The following MTA3 variants were observed in gnomAD, a reference collection of about 807,000 sequenced individuals.
MTA3 encodes the protein metastasis associated 1 family member 3.
Under a neutral mutation model 83.5 loss-of-function variants are expected in MTA3, and 34 were observed. That is an observed-to-expected ratio of 0.41 (90% confidence interval 0.31 to 0.54). MTA3 has a LOEUF of 0.54. Among genes scored for constraint, MTA3 ranks in the 20% least tolerant of loss-of-function variants. The pLI is 0.33. For missense variants in MTA3, 761 were observed against 726.4 expected (o/e 1.05, Z -0.55); for synonymous variants, 303 against 252.7 (o/e 1.20, Z -1.89).
chr2:42,736,244 G>A (rs1374194141), intron 16 of MTA3, among the ~76,000 whole-genome samples: 1 of 152,164 alleles, frequency 6.6e-6, no homozygotes, highest in Non-Finnish European at 1.5e-5. Context: ...ATTACTAGGT[G>A]GAGACTCTTG....
At chr2:42,629,726 C>G (rs1275972060) in intron 4 of MTA3, among the ~76,000 whole-genome samples, 1 of 152,058 alleles carries the variant, frequency 6.6e-6, no homozygotes, top group Non-Finnish European at 1.5e-5. Context: ...TTCTTCTGAT[C>G]TCGTTCCTCT....
intron 2 of MTA3, among the ~76,000 whole-genome samples, chr2:42,574,544 C>G (rs1678839522): frequency 6.6e-6 from 1 of 152,192 alleles, no homozygotes; most frequent in African/African-American, 2.4e-5. Context: ...TCAAGTGATT[C>G]TCCTCCCTCA....
intron 3 of MTA3, among the ~76,000 whole-genome samples, chr2:42,589,157 A>G (rs1380294296): frequency 3.9e-5 from 6 of 152,318 alleles, no homozygotes; most frequent in African/African-American, 1.2e-4. Context: ...TAAAACCATC[A>G]TCGGCACCTT....
chr2:42,750,276 A>C (rs1450634071), intron 16 of MTA3, among the ~76,000 whole-genome samples: 1 of 152,180 alleles, frequency 6.6e-6, no homozygotes, highest in Non-Finnish European at 1.5e-5. Context: ...GGTGTGAGCC[A>C]CCACGCCTGG....
intron 10 of MTA3, among the ~76,000 whole-genome samples, chr2:42,697,183 C>G (rs149371606): frequency 2.0e-5 from 3 of 152,030 alleles, no homozygotes; most frequent in South Asian, 2.1e-4. Flanking sequence ...TATATAATCT[C>G]CTTCCCCTTC....
At chr2:42,657,454 C>T (rs1009148046) in intron 7 of MTA3, among the ~76,000 whole-genome samples, 3 of 152,128 alleles carry the variant, frequency 2.0e-5, no homozygotes, top group African/African-American at 7.2e-5. Flanking sequence ...CTAGAGTCTC[C>T]AGACAGGCTG....
At chr2:42,507,105 T>G (rs1447188898) in intron 2 of MTA3, among the ~76,000 whole-genome samples, 1 of 152,124 alleles carries the variant, frequency 6.6e-6, no homozygotes, top group Non-Finnish European at 1.5e-5. Context: ...CTCACTGTGT[T>G]TCTGAGGTTG....
chr2:42,698,107 TG>T (rs1693550320), intron 11 of MTA3, among the ~76,000 whole-genome samples: 1 of 152,172 alleles, frequency 6.6e-6, no homozygotes, highest in Admixed American at 6.5e-5. Flanking sequence ...ACCTATGAAA[TG>T]CTGTATTATT....
intron 9 of MTA3, among the ~76,000 whole-genome samples, chr2:42,685,218 A>G (rs1305773625): frequency 6.6e-6 from 1 of 152,162 alleles, no homozygotes; most frequent in Non-Finnish European, 1.5e-5. Context: ...CAGTAATAAT[A>G]CTGTTAGATG....
intron 5 of MTA3, 146 bp downstream of exon 5, chr2:42,640,382 T>C: frequency 4.9e-6 from 3 of 610,524 alleles, no homozygotes; most frequent in Admixed American, 3.5e-5. Context: ...GTGACTAGAA[T>C]GCATTCGGGT....
chr2:42,698,497 A>G (rs1043320489), intron 11 of MTA3: 5 of 152,222 alleles, frequency 3.3e-5, no homozygotes, highest in Admixed American at 2.6e-4. Flanking sequence ...AATATAAGGT[A>G]CTATATCCTT....
At chr2:42,733,424 G>A (rs945353050) in intron 16 of MTA3, among the ~76,000 whole-genome samples, 2 of 152,188 alleles carry the variant, frequency 1.3e-5, no homozygotes, top group Non-Finnish European at 2.9e-5. Context: ...ACCACAACAT[G>A]TGGGAATTCC....
chr2:42,608,623 C>G (rs1573242031), intron 3 of MTA3, among the ~76,000 whole-genome samples: 1 of 152,176 alleles, frequency 6.6e-6, no homozygotes, highest in African/African-American at 2.4e-5. Context: ...TGGCTCATGC[C>G]TGTAATCCCA....
chr2:42,585,737 G>A (rs536359955), intron 3 of MTA3, among the ~76,000 whole-genome samples: 4 of 152,008 alleles, frequency 2.6e-5, no homozygotes, highest in African/African-American at 9.6e-5. Flanking sequence ...GCCTCCCAAA[G>A]TGCTCGGATT....
chr2:42,518,357 A>G (rs1194497423), intron 2 of MTA3, among the ~76,000 whole-genome samples: 1 of 152,174 alleles, frequency 6.6e-6, no homozygotes, highest in Non-Finnish European at 1.5e-5. Flanking sequence ...AGTGCCTGAA[A>G]GTAAGGAAAT....
intron 3 of MTA3, among the ~76,000 whole-genome samples, chr2:42,606,223 C>G (rs796138371): frequency 1.7e-5 from 2 of 119,820 alleles, no homozygotes; most frequent in African/African-American, 6.0e-5. Context: ...CCCTCCCGGA[C>G]GGGGTGGCTG....
intron 3 of MTA3, among the ~76,000 whole-genome samples, chr2:42,586,066 T>G (rs955935090): frequency 6.6e-6 from 1 of 151,764 alleles, no homozygotes; most frequent in Admixed American, 6.6e-5. Context: ...GATGGATCAC[T>G]GGAGGTCAGG....
intron 8 of MTA3, among the ~76,000 whole-genome samples, chr2:42,678,776 CT>C (rs967054479): frequency 7.9e-5 from 12 of 151,874 alleles, no homozygotes; most frequent in Admixed American, 7.9e-4. Context: ...TAATGCATCA[CT>C]GTGTGTGTGT....
intron 16 of MTA3, among the ~76,000 whole-genome samples, chr2:42,750,770 T>C (rs1669813581): frequency 6.6e-6 from 1 of 152,192 alleles, no homozygotes; most frequent in Admixed American, 6.5e-5. Flanking sequence ...GTGCCTCGTG[T>C]CCCCTAGGCC....
Sources: gnomAD v4.1 joint callset for allele counts (sites outside exome capture counted in the v4.1 genomes callset) on GRCh38, gnomAD v4.1.1 for gene constraint, MANE v1.5 for transcripts, NCBI Gene and HGNC (gene_info 2026-07-23, HGNC 2026-07-21) for gene names.